Variants in CFAP70 observed in about 807,000 individuals in gnomAD.
The protein encoded by CFAP70 is cilia- and flagella-associated protein 70.
A neutral mutation model predicts 137.6 loss-of-function variants in CFAP70; 81 were observed. The ratio of observed to expected loss-of-function variants is 0.59; its 90% CI spans 0.49 to 0.71. CFAP70 has a LOEUF of 0.71. CFAP70 is among the 30% of genes least tolerant of loss of function. The pLI is 0.00. For synonymous variants in CFAP70, 382 were observed against 423.6 expected (o/e 0.90, Z 1.20); for missense variants, 976 against 1,226.7 (o/e 0.80, Z 3.05).
intron 4 of CFAP70, chr10:73,346,905 A>G (rs1648921622): frequency 6.6e-6 from 1 of 152,212 alleles, no homozygotes; most frequent in African/African-American, 2.4e-5. Flanking sequence ...AAGGAAAGAA[A>G]AAATAATTCT....
rs776143717 is a variant in CFAP70 at position 73,297,032 on chromosome 10, T to C, written c.1644+10A>G. ...GAGAAAAGAAAGTGCTCTCAGTTCTTGACACTTACCTGGTTTAGGGCTACA... is the reference window on the plus strand; with the variant it reads ...GAGAAAAGAAAGTGCTCTCAGTTCTCGACACTTACCTGGTTTAGGGCTACA... On this transcript the variant is annotated intron_variant, in intron 15 of 26. Coordinates refer to ENST00000310715, the Ensembl canonical transcript of CFAP70. 3 of 1,611,440 alleles carry C rather than the reference T, an allele frequency of 1.9e-6. No homozygotes were observed. In the East Asian group the frequency reaches 6.7e-5, roughly 36 times the overall value.
upstream of CFAP70, among the ~76,000 whole-genome samples, chr10:73,362,400 T>A (rs2055045888): frequency 1.3e-5 from 2 of 152,212 alleles, no homozygotes; most frequent in South Asian, 4.1e-4. Context: ...ATTTTAATAA[T>A]GTTAATTATT....
At chr10:73,345,163 C>T (rs751280782) in intron 4 of CFAP70, 3 of 1,614,048 alleles carry the variant, frequency 1.9e-6, no homozygotes, top group Non-Finnish European at 1.7e-6. Flanking sequence ...TCCAACGTGA[C>T]CTTCAGTAGA....
At chr10:73,256,487 A>G in intron 25 of CFAP70, 71 bp from the exon 27 acceptor site, 1 of 1,536,466 alleles carries the variant, frequency 6.5e-7, no homozygotes, top group Non-Finnish European at 9.0e-7. Context: ...ACATTGCCTC[A>G]GCTAAGGCAG....
At chr10:73,274,715 GA>G in intron 22 of CFAP70, 121 bp from the exon 24 acceptor site, 11 of 955,540 alleles carry the variant, frequency 1.2e-5, no homozygotes, top group Non-Finnish European at 1.6e-5. Flanking sequence ...TTCTTTTTCA[GA>G]TCAACCGTTT....
At chr10:73,352,087 T>G (rs976115958) in intron 3 of CFAP70, among the ~76,000 whole-genome samples, 97 of 152,208 alleles carry the variant, frequency 6.4e-4, no homozygotes, top group African/African-American at 2.3e-3. Context: ...AAGTTCTGAC[T>G]CTAAACTAGG....
intron 12 of CFAP70, among the ~76,000 whole-genome samples, chr10:73,303,566 C>T (rs2049129665): frequency 6.6e-6 from 1 of 151,564 alleles, no homozygotes; most frequent in Admixed American, 6.6e-5. Context: ...TATCACTTGG[C>T]CTAGCTTGGA....
chr10:73,341,237 A>G (rs2053221758), intron 6 of CFAP70, among the ~76,000 whole-genome samples, 162 bp downstream of exon 7: 1 of 152,260 alleles, frequency 6.6e-6, no homozygotes, highest in African/African-American at 2.4e-5. Flanking sequence ...TGGACTTAAG[A>G]AGCCAGAAGA....
chr10:73,310,074 A>C lies in CFAP70; in HGVS notation c.1256+84T>G, dbSNP rs921545674. 2.4e-5 allele frequency: 20 copies of C among 826,476 alleles called. No homozygotes were observed. In the African/African-American group the frequency reaches 3.5e-4, roughly 15 times the overall value. The allele number at this position is 826,476 out of a possible 1,614,324, so 51.2% of individuals were successfully genotyped here. A position where few individuals can be genotyped will look rare whatever the true frequency, so the allele number is the denominator to read the frequency against. On this transcript the variant is annotated intron_variant, in intron 12 of 26. Transcript: ENST00000310715. ...AGATAACTCCTGCTTAGCCCAAGGG[A>C]AATTACAATCGTGGGGACAATCTGA...
intron 12 of CFAP70, among the ~76,000 whole-genome samples, chr10:73,307,079 G>A (rs541311084): frequency 5.1e-4 from 77 of 152,186 alleles, no homozygotes; most frequent in African/African-American, 1.7e-3. Context: ...ACAATGTAAC[G>A]GGAGGGATGG....
intron 8 of CFAP70, among the ~76,000 whole-genome samples, chr10:73,324,013 G>A (rs1331087272): frequency 6.6e-6 from 1 of 152,212 alleles, no homozygotes; most frequent in African/African-American, 2.4e-5. Context: ...GGAGATCTGA[G>A]AACGGGCACA....
rs868703312 is a variant in CFAP70, at chr10:73,276,151, C to G, written c.2521-553G>C. On this transcript the variant is annotated intron_variant, in intron 21 of 26. Transcript: ENST00000310715. ...TAGAGACAGGGTCTTACTCTGTCAC[C>G]CAGGGCTGCTTACTGCAGCCTTCTG... 4.6e-5 allele frequency: 7 copies of G among 151,400 alleles called. No individual in the cohort carries two copies. In the East Asian group the frequency reaches 9.7e-4, roughly 21 times the overall value. The allele number at this position is 151,400 out of a possible 1,614,324, so 9.4% of individuals were successfully genotyped here.
chr10:73,285,635 C>CTTTTT (rs769793433), intron 19 of CFAP70, among the ~76,000 whole-genome samples: 2 of 136,934 alleles, frequency 1.5e-5, no homozygotes, highest in African/African-American at 2.7e-5. Context: ...ACTATATTTT[C>CTTTTT]TTTTTTTTTT....
At chr10:73,348,489 T>C (rs1192062973) in exon 4 of CFAP70, 1 of 1,521,900 alleles carries the variant, frequency 6.6e-7, no homozygotes, top group South Asian at 1.3e-5. Context: ...TCTTTCTGTT[T>C]CTTTTCCTTT....
At chr10:73,361,294 T>A (rs971761325), upstream of CFAP70, among the ~76,000 whole-genome samples, 2 of 101,776 alleles carry the variant, frequency 2.0e-5, no homozygotes, top group Admixed American at 1.8e-4. Flanking sequence ...ATGCCCGGCC[T>A]TTTTTTTTTT....
At chr10:73,282,907 A>G (rs2047374313) in intron 19 of CFAP70, among the ~76,000 whole-genome samples, 2 of 138,694 alleles carry the variant, frequency 1.4e-5, no homozygotes, top group Admixed American at 8.2e-5. Flanking sequence ...ATCTCAGCTC[A>G]CTGCAAACTC....
chr10:73,289,251 T>C (rs1485196480), intron 19 of CFAP70, among the ~76,000 whole-genome samples: 1 of 152,106 alleles, frequency 6.6e-6, no homozygotes, highest in African/African-American at 2.4e-5. Flanking sequence ...ACTTAAACTT[T>C]AGAAGCATAA....
At chr10:73,358,250 G>T (rs1039794342) in intron 1 of CFAP70, among the ~76,000 whole-genome samples, 2 of 152,228 alleles carry the variant, frequency 1.3e-5, no homozygotes, top group Non-Finnish European at 1.5e-5. Flanking sequence ...CACAACAGGC[G>T]TTCGCGTCGT....
intron 8 of CFAP70, among the ~76,000 whole-genome samples, chr10:73,324,531 C>T (rs796442761): frequency 2.0e-5 from 3 of 152,144 alleles, no homozygotes; most frequent in Admixed American, 6.6e-5. Flanking sequence ...GACGATCAAA[C>T]TACTCCGAGC....
Sources: gnomAD v4.1 joint callset for allele counts (sites outside exome capture counted in the v4.1 genomes callset) on GRCh38, gnomAD v4.1.1 for gene constraint, MANE v1.5 for transcripts, NCBI Gene and HGNC (gene_info 2026-07-23, HGNC 2026-07-21) for gene names.